The following RORB variants were observed in gnomAD, a reference collection of about 807,000 sequenced individuals.
RORB encodes the protein nuclear receptor ROR-beta.
RORB carries 6 observed loss-of-function variants against 59.1 expected under a neutral mutation model. The observed-to-expected ratio is 0.10, with a 90% confidence interval of 0.06 to 0.20. The LOEUF (loss-of-function observed/expected upper bound fraction) is 0.20, where lower values mean the gene tolerates loss of function less well. Among genes scored for constraint, RORB ranks in the 10% least tolerant of loss-of-function variants. The pLI is 1.00. For synonymous variants in RORB, 215 were observed against 204.5 expected, an observed-to-expected ratio of 1.05 and a Z score of -0.44; for missense variants, 320 against 560.5, an observed-to-expected ratio of 0.57 and a Z score of 4.33.
At chr9:74,549,623 A>C (rs925756883) in intron 1 of RORB, among the ~76,000 whole-genome samples, 3 of 112,370 alleles carry the variant, frequency 2.7e-5, no homozygotes, top group African/African-American at 9.8e-5. Context: ...GAAGGAAGGA[A>C]GGAAGAAAGG....
intron 4 of RORB, among the ~76,000 whole-genome samples, chr9:74,660,393 G>T (rs2118510370): frequency 6.6e-6 from 1 of 152,114 alleles, no homozygotes; most frequent in East Asian, 1.9e-4. Context: ...CCTAAGTTGT[G>T]ATCAAAAGAC....
chr9:74,567,915 T>C (rs1188612562), intron 1 of RORB, among the ~76,000 whole-genome samples: 1 of 152,238 alleles, frequency 6.6e-6, no homozygotes, highest in East Asian at 1.9e-4. Flanking sequence ...CCAGGTGACT[T>C]GTCATAGAGC....
At chr9:74,599,879 G>A (rs1823028308) in intron 1 of RORB, among the ~76,000 whole-genome samples, 1 of 152,142 alleles carries the variant, frequency 6.6e-6, no homozygotes, top group African/African-American at 2.4e-5. Context: ...AGAAATTCCA[G>A]TTATTTTAGA....
intron 1 of RORB, among the ~76,000 whole-genome samples, chr9:74,588,851 T>C (rs1471311340): frequency 6.6e-6 from 1 of 152,146 alleles, no homozygotes; most frequent in African/African-American, 2.4e-5. Flanking sequence ...AACAGTTGTA[T>C]ATTTTTCTCT....
intron 1 of RORB, among the ~76,000 whole-genome samples, chr9:74,514,106 A>G (rs1482493320): frequency 6.6e-6 from 1 of 152,132 alleles, no homozygotes; most frequent in Admixed American, 6.6e-5. Flanking sequence ...CTTTTCTTAG[A>G]TGACCACGCA....
chr9:74,508,645 T>C (rs1825897939), intron 1 of RORB, among the ~76,000 whole-genome samples: 1 of 152,022 alleles, frequency 6.6e-6, no homozygotes, highest in South Asian at 2.1e-4. Flanking sequence ...TTATGATGTC[T>C]AAGAAGCAAT....
intron 1 of RORB, among the ~76,000 whole-genome samples, chr9:74,500,173 G>A (rs992653433): frequency 2.0e-5 from 3 of 152,164 alleles, no homozygotes; most frequent in Non-Finnish European, 4.4e-5. Flanking sequence ...CTAACTTGAG[G>A]CAGCTCTCAG....
At chr9:74,535,973 C>G (rs746759796) in intron 1 of RORB, among the ~76,000 whole-genome samples, 2 of 151,860 alleles carry the variant, frequency 1.3e-5, no homozygotes, top group Non-Finnish European at 2.9e-5. Context: ...TCTTAGGACA[C>G]TCTTAGGTCA....
intron 9 of RORB, among the ~76,000 whole-genome samples, chr9:74,672,657 T>C (rs947989468): frequency 2.0e-5 from 3 of 152,204 alleles, no homozygotes; most frequent in African/African-American, 2.4e-5. Context: ...AAGGAAAAAG[T>C]AATTCTCAAT....
Position 74,671,847 on chromosome 9 carries a change from T to C in RORB, c.1170T>C (p.Phe390=). ...AGAAGCTTCAGGAAAAAATTTATTT[T>C]GCACTTCAACATGTGATTCAGAAGA... ...KVQKLQEKIY[F]ALQHVIQKNH... The change falls in exon 9 of 10, where the codon TTT becomes TTC. Residue 390 remains phenylalanine (F), a synonymous_variant. Coordinates refer to ENST00000376896, the MANE Select transcript of RORB (RefSeq NM_006914.4). The C allele has an allele frequency of 6.2e-7, 1 of 1,612,802 alleles. No individual in the cohort carries two copies. Among genetic ancestry groups the C allele is most frequent in the Non-Finnish European group, 8.5e-7 (1 of 1,179,266 alleles).
intron 1 of RORB, among the ~76,000 whole-genome samples, chr9:74,551,387 A>G (rs747782554): frequency 3.3e-5 from 5 of 152,202 alleles, no homozygotes; most frequent in Admixed American, 6.5e-5. Context: ...CTGTGATATC[A>G]CAATAGTTGA....
chr9:74,611,932 G>C (rs749955650), intron 1 of RORB, among the ~76,000 whole-genome samples: 39 of 152,118 alleles, frequency 2.6e-4, no homozygotes, highest in Non-Finnish European at 8.8e-5. Flanking sequence ...TTACAGGCAT[G>C]AGCCACCATG....
In RORB at chr9:74,685,490, G is replaced by A. The variant is rs761105153; in HGVS notation, c.1252G>A (p.Ala418Thr). 1.9e-6 allele frequency: 3 copies of A among 1,612,178 alleles called. No individual in the cohort carries two copies. The highest frequency in any genetic ancestry group is 2.2e-5 in the South Asian group (2 of 90,868). ...KLIAKIPTIT[A>T]VCNLHGEKLQ... ...AATAGCCAAGATACCAACCATCACG[G>A]CAGTTTGCAACTTGCACGGGGAGAA... is the stretch of plus-strand genomic sequence containing the variant. The change falls in exon 10 of 10, where the codon GCA (alanine) becomes ACA (threonine). Residue 418 changes from alanine (A) to threonine (T), a missense_variant. Around this residue, in one of 4 missense-constraint regions of RORB, gnomAD observed 109 missense variants for 171.0 expected, o/e 0.64. Coordinates refer to ENST00000376896, the MANE Select transcript of RORB (RefSeq NM_006914.4).
intron 8 of RORB, among the ~76,000 whole-genome samples, chr9:74,669,517 T>C (rs1206757732): frequency 6.7e-6 from 1 of 150,034 alleles, no homozygotes; most frequent in Non-Finnish European, 1.5e-5. Flanking sequence ...ACTTAAAATA[T>C]AATAATAAAT....
chr9:74,625,210 T>C (rs2118398986), intron 1 of RORB, among the ~76,000 whole-genome samples: 1 of 152,328 alleles, frequency 6.6e-6, no homozygotes, highest in South Asian at 2.1e-4. Flanking sequence ...AGCTAATAAC[T>C]TAACTCATTT....
intron 1 of RORB, among the ~76,000 whole-genome samples, chr9:74,540,443 A>G (rs1002400223): frequency 6.6e-6 from 1 of 152,276 alleles, no homozygotes; most frequent in Non-Finnish European, 1.5e-5. Context: ...AATTGGTTTA[A>G]TATTCAGAAA....
chr9:74,692,178 G>A lies in RORB; in HGVS notation c.*6560G>A. ...TAAATGTTGTAAAGAACCTAGGGGA[G>A]GGTTGGGGAGAGACTGAGAGGGAGG... On this transcript the variant is annotated 3_prime_UTR_variant, in exon 10 of 10. Transcript: ENST00000376896. 1 of 152,304 alleles carries A rather than the reference G, an allele frequency of 6.6e-6. No homozygotes were observed. Among genetic ancestry groups the A allele is most frequent in the East Asian group, 1.9e-4 (1 of 5,178 alleles). The allele number at this position is 152,304 out of a possible 1,614,324, so 9.4% of individuals were successfully genotyped here.
At chr9:74,662,674 G>T in intron 6 of RORB, 68 bp downstream of exon 6, 1 of 1,532,992 alleles carries the variant, frequency 6.5e-7, no homozygotes, top group Non-Finnish European at 8.9e-7. Flanking sequence ...CACTGTGTTG[G>T]TTCTAGAAAA....
chr9:74,681,512 G>C (rs1367404538), intron 9 of RORB, among the ~76,000 whole-genome samples: 1 of 152,164 alleles, frequency 6.6e-6, no homozygotes, highest in Admixed American at 6.5e-5. Context: ...TTGCTGAAGC[G>C]ATCTGAGTGC....
Sources: allele counts gnomAD v4.1 joint callset (sites outside exome capture counted in the v4.1 genomes callset), GRCh38; gene constraint gnomAD v4.1.1; regional missense constraint gnomAD v4.1.1; transcripts MANE v1.5; gene names NCBI Gene and HGNC (gene_info 2026-07-23, HGNC 2026-07-21).